The following SEMA3A variants were observed in gnomAD, a reference collection of about 807,000 sequenced individuals.
SEMA3A encodes semaphorin-3A.
SEMA3A carries 29 observed loss-of-function variants against 97.9 expected under a neutral mutation model. The observed-to-expected ratio is 0.30, with a 90% CI of 0.22 to 0.40. SEMA3A has a LOEUF of 0.40. Among genes scored for constraint, SEMA3A ranks in the 10% least tolerant of loss-of-function variants. The probability of loss-of-function intolerance (pLI) is 1.00; values close to 1 mark genes in which losing one functional copy is unlikely to be tolerated. For synonymous variants in SEMA3A, 321 were observed against 323.7 expected (o/e 0.99, Z 0.09); for missense variants, 763 against 951.3 (o/e 0.80, Z 2.60).
intron 12 of SEMA3A, among the ~76,000 whole-genome samples, chr7:84,000,326 C>G (rs913794325): frequency 6.6e-6 from 1 of 152,074 alleles, no homozygotes; most frequent in Middle Eastern, 3.4e-3. Flanking sequence ...CACATTGATA[C>G]TTTAGCATAC....
At chr7:84,230,760 T>C (rs1799099208) in intron 3 of SEMA3A, among the ~76,000 whole-genome samples, 1 of 151,984 alleles carries the variant, frequency 6.6e-6, no homozygotes, top group Non-Finnish European at 1.5e-5. Context: ...GATTACACAG[T>C]TATCTAATTT....
intron 1 of SEMA3A, among the ~76,000 whole-genome samples, chr7:84,135,213 C>T (rs1005589575): frequency 1.3e-5 from 2 of 151,006 alleles, no homozygotes; most frequent in African/African-American, 4.9e-5. Flanking sequence ...CGAGTTCAAG[C>T]GATTCTCCCA....
chr7:84,291,040 T>C (rs1800729377), intron 3 of SEMA3A, among the ~76,000 whole-genome samples: 1 of 152,116 alleles, frequency 6.6e-6, no homozygotes, highest in African/African-American at 2.4e-5. Flanking sequence ...CTGTAAGAGT[T>C]AGATTGTATA....
intron 11 of SEMA3A, among the ~76,000 whole-genome samples, chr7:84,003,439 G>A (rs758399296): frequency 7.2e-5 from 11 of 152,116 alleles, no homozygotes; most frequent in Non-Finnish European, 1.0e-4. Flanking sequence ...ATACTATGAT[G>A]TGCAACTTAG....
At chr7:84,262,720 CACTTAA>C (rs761113139) in intron 3 of SEMA3A, among the ~76,000 whole-genome samples, 40 of 152,134 alleles carry the variant, frequency 2.6e-4, no homozygotes, top group Non-Finnish European at 5.3e-4. Flanking sequence ...TCAGTAGAAG[CACTTAA>C]ACTTAAACTA....
intron 6 of SEMA3A, among the ~76,000 whole-genome samples, chr7:84,044,572 A>AT (rs1297064962): frequency 6.6e-6 from 1 of 152,048 alleles, no homozygotes; most frequent in African/African-American, 2.4e-5. Context: ...TTAATGATAA[A>AT]TACTGCAAGA....
chr7:84,365,623 C>G (rs181248547), intron 2 of SEMA3A, among the ~76,000 whole-genome samples: 2 of 151,502 alleles, frequency 1.3e-5, no homozygotes, highest in Non-Finnish European at 3.0e-5. Context: ...AACTGGTAAC[C>G]ACATTTTTAA....
intron 6 of SEMA3A, among the ~76,000 whole-genome samples, chr7:84,040,772 G>C (rs1792107830): frequency 6.6e-6 from 1 of 151,960 alleles, no homozygotes; most frequent in South Asian, 2.1e-4. Flanking sequence ...TAGACAGGCT[G>C]TGTATTCATT....
chr7:83,988,860 C>CTTTT (rs11309468), intron 12 of SEMA3A, among the ~76,000 whole-genome samples: 2 of 132,740 alleles, frequency 1.5e-5, no homozygotes, highest in African/African-American at 2.8e-5. Flanking sequence ...GGATATTCAG[C>CTTTT]TTTTTTTTTT....
At chr7:84,462,389 G>A (rs1316839589) in intron 1 of SEMA3A, among the ~76,000 whole-genome samples, 3 of 152,170 alleles carry the variant, frequency 2.0e-5, no homozygotes, top group African/African-American at 7.2e-5. Context: ...GTGACTTCTG[G>A]AGTCTTCCCA....
At chr7:84,393,115 T>G (rs1250166938) in intron 1 of SEMA3A, among the ~76,000 whole-genome samples, 1 of 152,176 alleles carries the variant, frequency 6.6e-6, no homozygotes, top group East Asian at 1.9e-4. Context: ...AAAAACTCAT[T>G]GCTCAGAGCA....
chr7:84,304,120 T>C (rs577084896), intron 3 of SEMA3A, among the ~76,000 whole-genome samples: 1 of 151,992 alleles, frequency 6.6e-6, no homozygotes. Flanking sequence ...AAGAAAAAAA[T>C]AGGGGTTCAT....
intron 1 of SEMA3A, among the ~76,000 whole-genome samples, chr7:84,457,374 G>A (rs1805711693): frequency 6.6e-6 from 1 of 151,850 alleles, no homozygotes; most frequent in Admixed American, 6.6e-5. Flanking sequence ...CTCCTTGGAA[G>A]TTGTTAGTAT....
intron 16 of SEMA3A, among the ~76,000 whole-genome samples, chr7:83,962,407 A>G (rs1365599628): frequency 6.6e-6 from 1 of 152,142 alleles, no homozygotes; most frequent in Non-Finnish European, 1.5e-5. Flanking sequence ...GAGGTCTCAA[A>G]AAGCCTCACC....
intron 2 of SEMA3A, among the ~76,000 whole-genome samples, chr7:84,325,303 A>T (rs2115926412): frequency 6.6e-6 from 1 of 152,266 alleles, no homozygotes; most frequent in East Asian, 1.9e-4. Context: ...CTAATCAATC[A>T]AACAATCAAA....
intron 3 of SEMA3A, among the ~76,000 whole-genome samples, chr7:84,237,600 T>C (rs552744811): frequency 2.6e-5 from 4 of 152,072 alleles, no homozygotes; most frequent in Non-Finnish European, 1.5e-5. Context: ...GATACTATTA[T>C]TGTCTTTATT....
At position 84,092,777 on chromosome 7, in the gene SEMA3A, T is replaced by C. The variant is rs151096406; in HGVS notation, c.453+17693A>G. 3.9e-3 allele frequency among the ~76,000 whole-genome samples: 589 copies of C among 152,230 alleles called. 3 individuals are homozygous for C. Among genetic ancestry groups the C allele is most frequent in the African/African-American group, 0.014 (563 of 41,556 alleles). ...ATGCCTCCTTCTTCCCTCCTTTAAT[T>C]GTGGATGTGCATAACCTCCAACTAT... On this transcript the variant is annotated intron_variant, in intron 4 of 16. Transcript: ENST00000265362.
intron 2 of SEMA3A, among the ~76,000 whole-genome samples, chr7:84,130,599 C>T (rs989001352): frequency 1.3e-5 from 2 of 152,076 alleles, no homozygotes; most frequent in African/African-American, 4.8e-5. Context: ...AATTCAAGAT[C>T]AGTAAGTGTA....
intron 3 of SEMA3A, among the ~76,000 whole-genome samples, chr7:84,289,290 G>T (rs1376121014): frequency 1.3e-5 from 2 of 152,026 alleles, no homozygotes; most frequent in African/African-American, 4.8e-5. Context: ...ATAGGTTCTT[G>T]TGTTCTATAG....
Sources: allele counts gnomAD v4.1 joint callset (sites outside exome capture counted in the v4.1 genomes callset), GRCh38; gene constraint gnomAD v4.1.1; transcripts MANE v1.5; gene names NCBI Gene and HGNC (gene_info 2026-07-23, HGNC 2026-07-21).